TSPAN18: variants seen among roughly 807,000 people sequenced by gnomAD.
TSPAN18 encodes tetraspanin-18.
Under a neutral mutation model 27.3 loss-of-function variants are expected in TSPAN18, and 14 were observed. The ratio of observed to expected loss-of-function variants is 0.51; its 90% CI spans 0.34 to 0.80. TSPAN18 has a LOEUF of 0.80. Among genes scored for constraint, TSPAN18 ranks in the 30% least tolerant of loss-of-function variants. The pLI, the probability that TSPAN18 is intolerant of heterozygous loss-of-function variation, is 0.01. For missense variants in TSPAN18, 268 were observed against 323.9 expected (o/e 0.83, Z 1.32); for synonymous variants, 143 against 136.5 (o/e 1.05, Z -0.33).
intron 9 of TSPAN18, among the ~76,000 whole-genome samples, chr11:44,928,833 C>T (rs955846066): frequency 2.0e-5 from 3 of 152,276 alleles, no homozygotes. Flanking sequence ...GCTCTGGATA[C>T]ATACTCAGGC....
chr11:44,835,340 C>G (rs1590553064), intron 2 of TSPAN18, among the ~76,000 whole-genome samples: 2 of 152,236 alleles, frequency 1.3e-5, no homozygotes, highest in South Asian at 2.1e-4. Context: ...AGAGGCACAG[C>G]ATATCCATAT....
chr11:44,909,959 G>T, intron 5 of TSPAN18, 60 bp downstream of exon 5: 1 of 1,539,412 alleles, frequency 6.5e-7, no homozygotes. Flanking sequence ...GGGATTGGCT[G>T]CAGACTCCCA....
At chr11:44,859,393 C>T (rs1034540167) in intron 2 of TSPAN18, among the ~76,000 whole-genome samples, 19 of 152,122 alleles carry the variant, frequency 1.2e-4, no homozygotes, top group Admixed American at 3.3e-4. Context: ...CACAGACTTA[C>T]GAAAGTCATT....
At chr11:44,751,117 G>A (rs947124509) in intron 1 of TSPAN18, among the ~76,000 whole-genome samples, 1 of 152,172 alleles carries the variant, frequency 6.6e-6, no homozygotes, top group South Asian at 2.1e-4. Flanking sequence ...AGGTGTGTCC[G>A]GCTGTCCCTG....
chr11:44,856,172 C>T (rs1052227757), intron 2 of TSPAN18, among the ~76,000 whole-genome samples: 11 of 152,104 alleles, frequency 7.2e-5, no homozygotes, highest in East Asian at 3.9e-4. Flanking sequence ...CATGAGCCAC[C>T]GTGCCCAGCC....
chr11:44,774,977 G>C (rs1173581211), intron 2 of TSPAN18, among the ~76,000 whole-genome samples: 1 of 152,152 alleles, frequency 6.6e-6, no homozygotes, highest in African/African-American at 2.4e-5. Flanking sequence ...CGTTCAGTTG[G>C]GCTTCCTGCT....
rs78349400 is a variant in TSPAN18, at chr11:44,731,545, G to A, written c.-240+4258G>A. ...CATGATTATCATTATTACTATTATT[G>A]TAAAATGGGAGGGATTAACTTTGGT... On this transcript the variant is annotated intron_variant, in intron 1 of 9. Transcript: ENST00000520358. Among the ~76,000 whole-genome samples the A allele has an allele frequency of 3.0e-3, 448 of 150,158 alleles. 1 individual carries two copies. The highest frequency in any genetic ancestry group is 0.01 in the African/African-American group (424 of 40,860).
intron 4 of TSPAN18, among the ~76,000 whole-genome samples, chr11:44,909,336 T>C (rs1859621435): frequency 6.6e-6 from 1 of 152,080 alleles, no homozygotes; most frequent in South Asian, 2.1e-4. Flanking sequence ...TTCAGCAAGT[T>C]GTTGGTTCCC....
chr11:44,734,822 G>T (rs947765979), intron 1 of TSPAN18, among the ~76,000 whole-genome samples: 1 of 152,322 alleles, frequency 6.6e-6, no homozygotes, highest in African/African-American at 2.4e-5. Context: ...TGGGGGGACA[G>T]ATTGCAGCGT....
At chr11:44,834,380 T>C (rs949111455) in intron 2 of TSPAN18, among the ~76,000 whole-genome samples, 1 of 152,128 alleles carries the variant, frequency 6.6e-6, no homozygotes, top group Non-Finnish European at 1.5e-5. Flanking sequence ...GGGTTCTTTC[T>C]AGGGAGGAAG....
intron 2 of TSPAN18, among the ~76,000 whole-genome samples, chr11:44,792,225 C>G (rs1856242262): frequency 6.6e-6 from 1 of 152,124 alleles, no homozygotes; most frequent in Non-Finnish European, 1.5e-5. Context: ...CCGGGGGAAG[C>G]TGTTTTTGGT....
intron 3 of TSPAN18, among the ~76,000 whole-genome samples, chr11:44,898,822 A>G (rs1023525029): frequency 2.0e-5 from 3 of 152,182 alleles, no homozygotes; most frequent in African/African-American, 7.2e-5. Flanking sequence ...TAAAGGCCCC[A>G]CCTCTTCATT....
At chr11:44,851,674 C>T (rs1419870234) in intron 2 of TSPAN18, among the ~76,000 whole-genome samples, 1 of 148,230 alleles carries the variant, frequency 6.7e-6, no homozygotes, top group Non-Finnish European at 1.5e-5. Context: ...CATACATCTG[C>T]CAAAGCACAG....
At chr11:44,802,921 C>T (rs74783167) in intron 2 of TSPAN18, among the ~76,000 whole-genome samples, 1,747 of 152,184 alleles carry the variant, frequency 0.011, 33 homozygotes, top group African/African-American at 0.04. Context: ...ACAGGTGCAC[C>T]AGCTCCAAGA....
chr11:44,735,831 A>G (rs1854779544), intron 1 of TSPAN18, among the ~76,000 whole-genome samples: 1 of 151,942 alleles, frequency 6.6e-6, no homozygotes, highest in Non-Finnish European at 1.5e-5. Context: ...GTTAGCCAGG[A>G]TGGTCTCGAT....
At chr11:44,780,095 C>T (rs947391476) in intron 2 of TSPAN18, among the ~76,000 whole-genome samples, 1 of 152,142 alleles carries the variant, frequency 6.6e-6, no homozygotes, top group Non-Finnish European at 1.5e-5. Context: ...CTCTCCTTCA[C>T]CACCCCCGAG....
At chr11:44,757,763 G>A (rs1339336236) in intron 1 of TSPAN18, among the ~76,000 whole-genome samples, 1 of 152,106 alleles carries the variant, frequency 6.6e-6, no homozygotes, top group Non-Finnish European at 1.5e-5. Context: ...TTGACCATTT[G>A]TATATCATCT....
At chr11:44,728,288 T>C (rs1382101318) in intron 1 of TSPAN18, among the ~76,000 whole-genome samples, 1 of 152,202 alleles carries the variant, frequency 6.6e-6, no homozygotes, top group Non-Finnish European at 1.5e-5. Flanking sequence ...GTAAGAAATT[T>C]ACCCCCAGAA....
chr11:44,901,701 G>C (rs1423345603), intron 3 of TSPAN18, among the ~76,000 whole-genome samples: 2 of 152,244 alleles, frequency 1.3e-5, no homozygotes, highest in African/African-American at 2.4e-5. Context: ...AGACTCCTAG[G>C]CCAGTGCTCC....
Sources: allele counts gnomAD v4.1 joint callset (sites outside exome capture counted in the v4.1 genomes callset), GRCh38; gene constraint gnomAD v4.1.1; transcripts MANE v1.5; gene names NCBI Gene and HGNC (gene_info 2026-07-23, HGNC 2026-07-21).